SGPL1: variants seen among roughly 807,000 people sequenced by gnomAD.
SGPL1 encodes the protein SP-lyase 1.
SGPL1 carries 37 observed loss-of-function variants against 68.9 expected under a neutral mutation model. That is an observed-to-expected ratio of 0.54 (90% CI 0.41 to 0.71). The LOEUF (loss-of-function observed/expected upper bound fraction) is 0.71, where lower values mean the gene tolerates loss of function less well. Among genes scored for constraint, SGPL1 ranks in the 30% least tolerant of loss-of-function variants. The probability of loss-of-function intolerance (pLI) is 0.00; values close to 1 mark genes in which losing one functional copy is unlikely to be tolerated. For synonymous variants in SGPL1, 236 were observed against 248.5 expected (o/e 0.95, Z 0.47); for missense variants, 551 against 704.6 (o/e 0.78, Z 2.47).
At chr10:70,818,623 G>T (rs1173736331) in intron 2 of SGPL1, among the ~76,000 whole-genome samples, 4 of 152,318 alleles carry the variant, frequency 2.6e-5, no homozygotes, top group Admixed American at 1.3e-4. Context: ...CTGCAGGGGG[G>T]CTAAAGAAGA....
At chr10:70,816,417 A>T (rs919103203) in intron 1 of SGPL1, among the ~76,000 whole-genome samples, 1 of 152,046 alleles carries the variant, frequency 6.6e-6, no homozygotes, top group Admixed American at 6.5e-5. Context: ...GAGGGGTGAC[A>T]ACGAGAGCGA....
chr10:70,825,919 C>T (rs529268942), intron 2 of SGPL1, among the ~76,000 whole-genome samples: 2 of 152,302 alleles, frequency 1.3e-5, no homozygotes, highest in Admixed American at 6.5e-5. Flanking sequence ...CGGTGGCTCA[C>T]GCCTGTAATC....
rs78835480 is a variant in SGPL1 at position 70,821,765 on chromosome 10, A to G, written c.27+4885A>G. Among the ~76,000 whole-genome samples the G allele has an allele frequency of 8.9e-3, 1,352 of 152,224 alleles. 32 individuals are homozygous for G. Among genetic ancestry groups the G allele is most frequent in the African/African-American group, 0.031 (1,283 of 41,532 alleles). ...AGATACCTGGATATCTGTGTAGTCT[A>G]TGCTTTCATATGGGTGGGGGAGTGA... On this transcript the variant is annotated intron_variant, in intron 2 of 14. Coordinates refer to ENST00000373202, the MANE Select transcript of SGPL1 (RefSeq NM_003901.4).
intron 3 of SGPL1, among the ~76,000 whole-genome samples, chr10:70,845,108 A>G (rs1012366383): frequency 4.6e-5 from 7 of 152,082 alleles, no homozygotes; most frequent in African/African-American, 1.7e-4. Context: ...TGGTCAAGTT[A>G]TAACAGGACT....
chr10:70,878,906 C>A lies in SGPL1; in HGVS notation c.*1571C>A, dbSNP rs190835686. The A allele has an allele frequency of 1.9e-4, 29 of 152,844 alleles. No individual in the cohort carries two copies. The highest frequency in any genetic ancestry group is 6.5e-4 in the African/African-American group (27 of 41,544). 9.5% of individuals were successfully genotyped at this position (152,844 alleles called of 1,614,324 possible). A position where few individuals can be genotyped will look rare whatever the true frequency, so the allele number is the denominator to read the frequency against. Reference sequence around the variant, plus strand: ...AGCCTATGGCCCAGGGCCTGTAATCCCTTCCCAAGACTAGCTGCTCAGGGT... The same window carrying A: ...AGCCTATGGCCCAGGGCCTGTAATCACTTCCCAAGACTAGCTGCTCAGGGT... On this transcript the variant is annotated 3_prime_UTR_variant, in exon 15 of 15. Coordinates refer to ENST00000373202, the MANE Select transcript of SGPL1 (RefSeq NM_003901.4).
intron 5 of SGPL1, among the ~76,000 whole-genome samples, chr10:70,855,735 TTGATA>T (rs1845953319): frequency 6.6e-6 from 1 of 152,328 alleles, no homozygotes; most frequent in South Asian, 2.1e-4. Flanking sequence ...GCTTTTTAGT[TTGATA>T]TATTTACAGA....
At chr10:70,864,794 C>G (rs1183355509) in intron 7 of SGPL1, among the ~76,000 whole-genome samples, 1 of 152,180 alleles carries the variant, frequency 6.6e-6, no homozygotes, top group Non-Finnish European at 1.5e-5. Flanking sequence ...ACTGTGGGTG[C>G]TTCCTGTCTG....
intron 5 of SGPL1, 59 bp from the exon 6 acceptor site, chr10:70,857,555 A>G: frequency 2.2e-6 from 3 of 1,384,974 alleles, no homozygotes; most frequent in Non-Finnish European, 3.1e-6. Flanking sequence ...CTTCTTTATC[A>G]GAACCTGTCT....
chr10:70,869,853 A>G lies in SGPL1; in HGVS notation c.766A>G (p.Ile256Val), dbSNP rs759865429. The G allele has an allele frequency of 2.5e-4, 401 of 1,613,942 alleles. No homozygotes were observed. The highest frequency in any genetic ancestry group is 3.2e-4 in the Non-Finnish European group (375 of 1,179,998). ...AGCAGCCAGTTACTTTGGGATGAAGATTGTGCGGGTCCCATTGACGAAGAT... is the reference window on the plus strand; with the variant it reads ...AGCAGCCAGTTACTTTGGGATGAAGGTTGTGCGGGTCCCATTGACGAAGAT... ...NKAASYFGMK[I>V]VRVPLTKMME... is the part of the protein sequence containing the mutation. The change falls in exon 9 of 15, where the codon ATT (isoleucine) becomes GTT (valine). Residue 256 changes from isoleucine (I) to valine (V), a missense_variant. By Grantham distance (29) the Ile-to-Val change is conservative. Transcript: ENST00000373202.
chr10:70,844,204 C>T lies in SGPL1; in HGVS notation c.28-269C>T, dbSNP rs577539809. Among the ~76,000 whole-genome samples the T allele has an allele frequency of 7.2e-5, 11 of 152,190 alleles. No homozygotes were observed. In the South Asian group the frequency reaches 1.2e-3, roughly 17 times the overall value. On this transcript the variant is annotated intron_variant, in intron 2 of 14. Transcript: ENST00000373202. ...TATAGAAATTTTAGGGCTGAAGTGA[C>T]GATCTAGCTTAACCCTCTTACTGTA...
rs1427302905 is a variant in SGPL1 at position 70,879,394 on chromosome 10, TGTGTGTGTG to T, written c.*2060_*2068del. 1 of 153,460 alleles carries T rather than the reference TGTGTGTGTG, an allele frequency of 6.5e-6. No individual in the cohort carries two copies. Among genetic ancestry groups the T allele is most frequent in the African/African-American group, 2.4e-5 (1 of 41,444 alleles). The allele number at this position is 153,460 out of a possible 1,614,324, so 9.5% of individuals were successfully genotyped here. A position where few individuals can be genotyped will look rare whatever the true frequency, so the allele number is the denominator to read the frequency against. On this transcript the variant is annotated 3_prime_UTR_variant, in exon 15 of 15. Coordinates refer to ENST00000373202, the MANE Select transcript of SGPL1 (RefSeq NM_003901.4). ...TGTGGCATTTATGTGTGTGTGTGTG[TGTGTGTGTG>T]TTTTTCCTGTTTGCCCAGCAGTGCA... is the stretch of plus-strand genomic sequence containing the variant.
At chr10:70,816,977 G>C in intron 2 of SGPL1, 97 bp downstream of exon 2, 1 of 1,149,950 alleles carries the variant, frequency 8.7e-7, no homozygotes, top group East Asian at 2.3e-5. Context: ...TCTGATGCTT[G>C]CTTTTGGTAG....
At chr10:70,833,053 T>G (rs898928377) in intron 2 of SGPL1, among the ~76,000 whole-genome samples, 1 of 152,206 alleles carries the variant, frequency 6.6e-6, no homozygotes, top group Admixed American at 6.5e-5. Flanking sequence ...TAGCAGTGTT[T>G]CGGGTTCAGC....
At chr10:70,874,302 C>T (rs937436274) in intron 12 of SGPL1, among the ~76,000 whole-genome samples, 6 of 152,208 alleles carry the variant, frequency 3.9e-5, no homozygotes, top group African/African-American at 1.4e-4. Context: ...AGATCCTTGG[C>T]CAGGCACGGT....
intron 3 of SGPL1, among the ~76,000 whole-genome samples, chr10:70,849,532 C>T (rs1429714393): frequency 1.3e-5 from 2 of 152,190 alleles, no homozygotes; most frequent in African/African-American, 4.8e-5. Flanking sequence ...CAGTCTGTGT[C>T]TTAGTTACCT....
chr10:70,863,738 A>G (rs1018611613), intron 7 of SGPL1, among the ~76,000 whole-genome samples: 1 of 152,196 alleles, frequency 6.6e-6, no homozygotes, highest in Non-Finnish European at 1.5e-5. Context: ...CACATTCTTG[A>G]AAGATTGCTA....
chr10:70,821,676 A>G (rs1845340129), intron 2 of SGPL1, among the ~76,000 whole-genome samples: 1 of 152,168 alleles, frequency 6.6e-6, no homozygotes, highest in Non-Finnish European at 1.5e-5. Context: ...TGCAAACAAG[A>G]ATTATCTGGC....
chr10:70,837,589 T>G (rs1041719102), intron 2 of SGPL1, among the ~76,000 whole-genome samples: 50 of 152,128 alleles, frequency 3.3e-4, no homozygotes, highest in African/African-American at 1.2e-3. Context: ...CCAAAAATAA[T>G]TGTTGAATGA....
intron 2 of SGPL1, among the ~76,000 whole-genome samples, chr10:70,841,538 A>C (rs35613824): frequency 0.12 from 18,201 of 152,122 alleles, 1,384 homozygotes; most frequent in Non-Finnish European, 0.17. Context: ...AGAAGGGGCA[A>C]ATTTGCTCTC....
Sources: allele counts gnomAD v4.1 joint callset (sites outside exome capture counted in the v4.1 genomes callset), GRCh38; gene constraint gnomAD v4.1.1; transcripts MANE v1.5; gene names NCBI Gene and HGNC (gene_info 2026-07-23, HGNC 2026-07-21).